ERBB4: variants seen among roughly 807,000 people sequenced by gnomAD.
The protein encoded by ERBB4 is receptor tyrosine-protein kinase erbB-4.
Under a neutral mutation model 158.0 loss-of-function variants are expected in ERBB4, and 42 were observed. That is an observed-to-expected ratio of 0.27 (90% CI 0.21 to 0.34). The LOEUF is 0.34. ERBB4 is among the 10% of genes least tolerant of loss of function. The probability of loss-of-function intolerance (pLI) is 1.00; values close to 1 mark genes in which losing one functional copy is unlikely to be tolerated. For missense variants in ERBB4, 1,333 were observed against 1,624.1 expected (o/e 0.82, Z 3.08); for synonymous variants, 583 against 558.7 (o/e 1.04, Z -0.61).
intron 2 of ERBB4, among the ~76,000 whole-genome samples, chr2:212,115,838 C>A (rs954844953): frequency 2.6e-5 from 4 of 151,894 alleles, no homozygotes. Context: ...TTAAGACAAG[C>A]CTATAAATTC....
At chr2:211,503,479 C>T (rs1335888643) in intron 20 of ERBB4, among the ~76,000 whole-genome samples, 1 of 152,116 alleles carries the variant, frequency 6.6e-6, no homozygotes, top group African/African-American at 2.4e-5. Context: ...CAGCATACCC[C>T]ACATTGATCT....
In ERBB4 at chr2:212,412,161, G is replaced by A. The variant is rs185678126; in HGVS notation, c.82+126288C>T. Reference sequence around the variant, plus strand: ...TGAGAATAGAAATCAAAGCTTACAAGAATCTCACTTCATAAATCTTAAATC... The same window carrying A: ...TGAGAATAGAAATCAAAGCTTACAAAAATCTCACTTCATAAATCTTAAATC... On this transcript the variant is annotated intron_variant, in intron 1 of 27. Transcript: ENST00000342788. Among the ~76,000 whole-genome samples the A allele has an allele frequency of 3.3e-3, 506 of 152,254 alleles. 2 individuals are homozygous for A. Among genetic ancestry groups the A allele is most frequent in the Middle Eastern group, 0.024 (7 of 294 alleles).
chr2:212,478,191 T>G (rs1689503724), intron 1 of ERBB4, among the ~76,000 whole-genome samples: 1 of 152,112 alleles, frequency 6.6e-6, no homozygotes, highest in African/African-American at 2.4e-5. Flanking sequence ...AAGTCTAATT[T>G]ACCTAAATAG....
At chr2:211,512,379 C>G (rs1160665103) in intron 20 of ERBB4, among the ~76,000 whole-genome samples, 1 of 151,512 alleles carries the variant, frequency 6.6e-6, no homozygotes, top group Non-Finnish European at 1.5e-5. Context: ...GTCCTCTCAA[C>G]AGAGCACTGA....
chr2:211,918,301 C>T (rs2079756997), intron 3 of ERBB4, among the ~76,000 whole-genome samples: 1 of 152,158 alleles, frequency 6.6e-6, no homozygotes, highest in Non-Finnish European at 1.5e-5. Context: ...GGGCAAGGAA[C>T]TATAAAATGT....
chr2:212,388,919 A>G (rs2090765068), intron 1 of ERBB4, among the ~76,000 whole-genome samples: 1 of 152,260 alleles, frequency 6.6e-6, no homozygotes, highest in East Asian at 1.9e-4. Flanking sequence ...CCAGAAATGG[A>G]CCAACCTAAA....
chr2:211,853,084 G>A (rs2077758810), intron 3 of ERBB4, among the ~76,000 whole-genome samples: 1 of 151,868 alleles, frequency 6.6e-6, no homozygotes, highest in Non-Finnish European at 1.5e-5. Context: ...GGAAACACAG[G>A]TCTTGCTTCT....
chr2:212,119,905 C>A (rs2079694606), intron 2 of ERBB4, among the ~76,000 whole-genome samples: 2 of 152,158 alleles, frequency 1.3e-5, no homozygotes, highest in Admixed American at 6.6e-5. Flanking sequence ...AGTGCATCTT[C>A]AATTCAATTG....
At chr2:212,320,307 T>C (rs1184608699) in intron 1 of ERBB4, among the ~76,000 whole-genome samples, 1 of 148,280 alleles carries the variant, frequency 6.7e-6, no homozygotes, top group Non-Finnish European at 1.5e-5. Flanking sequence ...AAATGCAGTT[T>C]CAAGTACAGT....
intron 3 of ERBB4, among the ~76,000 whole-genome samples, chr2:211,938,386 T>C (rs2080387505): frequency 6.6e-6 from 1 of 152,188 alleles, no homozygotes; most frequent in Non-Finnish European, 1.5e-5. Context: ...TTATTGTGCT[T>C]GTAAGTCCTT....
In ERBB4 at chr2:212,374,025, TATATATATCCATATATATCC is replaced by T. The variant is rs1355049127; in HGVS notation, c.82+164404_82+164423del. 4.8e-4 allele frequency among the ~76,000 whole-genome samples: 61 copies of T among 126,814 alleles called. 2 individuals carry two copies. Among genetic ancestry groups the T allele is most frequent in the African/African-American group, 1.2e-3 (44 of 35,762 alleles). The allele number at this position is 126,814 out of a possible 152,430, so 83.2% of individuals were successfully genotyped here. On this transcript the variant is annotated intron_variant, in intron 1 of 27. Coordinates refer to ENST00000342788, the MANE Select transcript of ERBB4 (RefSeq NM_005235.3). The stretch of plus-strand genomic sequence containing the variant: ...ATATATATATCCATATATATCCATA[TATATATATCCATATATATCC>T]ATATATATATATCCATATATATCCA...
chr2:211,556,718 C>A (rs1234049861), intron 20 of ERBB4, among the ~76,000 whole-genome samples: 1 of 151,818 alleles, frequency 6.6e-6, no homozygotes, highest in Non-Finnish European at 1.5e-5. Flanking sequence ...AAATTCAGGA[C>A]CAAGAAAGTA....
chr2:212,491,688 T>C (rs896591587), intron 1 of ERBB4, among the ~76,000 whole-genome samples: 1 of 151,768 alleles, frequency 6.6e-6, no homozygotes, highest in Admixed American at 6.6e-5. Flanking sequence ...TAGTAAGTTA[T>C]TTTTATTCCT....
chr2:211,422,798 T>TTACATAATTAATTTCA (rs2063542072), intron 23 of ERBB4, among the ~76,000 whole-genome samples: 1 of 151,930 alleles, frequency 6.6e-6, no homozygotes, highest in Admixed American at 6.6e-5. Context: ...TTTCTTGGTT[T>TTACATAATTAATTTCA]TACATAATTA....
chr2:212,019,537 C>A (rs1341927725), intron 2 of ERBB4, among the ~76,000 whole-genome samples: 3 of 151,780 alleles, frequency 2.0e-5, no homozygotes. Flanking sequence ...CCAAGATGGG[C>A]AGATTGCCTG....
intron 1 of ERBB4, among the ~76,000 whole-genome samples, chr2:212,215,558 A>G (rs1326404285): frequency 7.3e-6 from 1 of 137,436 alleles, no homozygotes; most frequent in Non-Finnish European, 1.6e-5. Context: ...GAAGAATAAT[A>G]ATTTCAGAAA....
At chr2:211,594,327 T>A (rs935302085) in intron 19 of ERBB4, among the ~76,000 whole-genome samples, 1 of 151,978 alleles carries the variant, frequency 6.6e-6, no homozygotes, top group African/African-American at 2.4e-5. Context: ...TAGTCCCAGC[T>A]ACTCAGGAGG....
intron 2 of ERBB4, among the ~76,000 whole-genome samples, chr2:212,000,390 G>A (rs2076076439): frequency 6.6e-6 from 1 of 151,756 alleles, no homozygotes; most frequent in Admixed American, 6.6e-5. Flanking sequence ...AATATTAATT[G>A]GATGCTACTT....
intron 2 of ERBB4, among the ~76,000 whole-genome samples, chr2:212,056,394 C>T (rs573724119): frequency 2.0e-5 from 3 of 152,280 alleles, no homozygotes; most frequent in East Asian, 3.9e-4. Context: ...CCTAGCAAGG[C>T]AGGCCAACAT....
Sources: gnomAD v4.1 joint callset for allele counts (sites outside exome capture counted in the v4.1 genomes callset) on GRCh38, gnomAD v4.1.1 for gene constraint, MANE v1.5 for transcripts, NCBI Gene and HGNC (gene_info 2026-07-23, HGNC 2026-07-21) for gene names.